ANK1: variants seen among roughly 807,000 people sequenced by gnomAD.
ANK1 encodes ankyrin-1.
In ANK1, 51 loss-of-function variants were observed where a neutral mutation model predicts 210.4. That is an observed-to-expected ratio of 0.24 (90% CI 0.19 to 0.31). The LOEUF is 0.31. Ranked by LOEUF, ANK1 falls within the 10% of genes least tolerant of loss-of-function variation. ANK1 has a pLI of 1.00. For synonymous variants in ANK1, 967 were observed against 1,025.9 expected (o/e 0.94, Z 1.10); for missense variants, 2,051 against 2,504.4 (o/e 0.82, Z 3.86).
chr8:41,682,148 T>C (rs1816245073), intron 37 of ANK1, among the ~76,000 whole-genome samples: 3 of 152,000 alleles, frequency 2.0e-5, no homozygotes, highest in Non-Finnish European at 4.4e-5. Context: ...GTGTCACCCC[T>C]CCAGCCCCCA....
intron 33 of ANK1, among the ~76,000 whole-genome samples, chr8:41,689,610 G>T (rs1406398406): frequency 1.3e-5 from 2 of 152,132 alleles, no homozygotes; most frequent in Non-Finnish European, 2.9e-5. Flanking sequence ...AGACGGTCTG[G>T]AGACGTATGA....
At chr8:41,887,628 G>C (rs960831666) in intron 1 of ANK1, among the ~76,000 whole-genome samples, 2 of 152,120 alleles carry the variant, frequency 1.3e-5, no homozygotes, top group Non-Finnish European at 2.9e-5. Context: ...AAACACACAT[G>C]ACAAAGATGA....
At chr8:41,814,187 C>CTG (rs1802933234) in intron 1 of ANK1, among the ~76,000 whole-genome samples, 1 of 151,942 alleles carries the variant, frequency 6.6e-6, no homozygotes, top group Non-Finnish European at 1.5e-5. Flanking sequence ...TGGTGAAACC[C>CTG]TGTCTCTACT....
chr8:41,735,521 C>T (rs573535809), intron 2 of ANK1, among the ~76,000 whole-genome samples: 1 of 152,200 alleles, frequency 6.6e-6, no homozygotes, highest in Non-Finnish European at 1.5e-5. Context: ...TCCTCACCAC[C>T]TAGACGGAGG....
chr8:41,688,343 G>A, intron 34 of ANK1, 113 bp from the exon 35 acceptor site: 2 of 1,441,536 alleles, frequency 1.4e-6, no homozygotes, highest in Non-Finnish European at 1.9e-6. Context: ...TGATTGTCTA[G>A]ACTCTCTGCA....
chr8:41,884,236 T>C (rs1175282633), intron 1 of ANK1, among the ~76,000 whole-genome samples: 1 of 152,078 alleles, frequency 6.6e-6, no homozygotes, highest in Non-Finnish European at 1.5e-5. Context: ...TAATCCCAGC[T>C]ACTTGGGAGG....
chr8:41,861,715 G>A (rs1052905968), intron 1 of ANK1, among the ~76,000 whole-genome samples: 1 of 152,238 alleles, frequency 6.6e-6, no homozygotes, highest in South Asian at 2.1e-4. Context: ...GAGCGCAGGA[G>A]CGAACCCAAG....
At position 41,723,386 on chromosome 8, in the gene ANK1, G is replaced by A. The variant is rs538920819; in HGVS notation, c.810+149C>T. 40 of 1,148,348 alleles carry A rather than the reference G, an allele frequency of 3.5e-5. No individual in the cohort carries two copies. The East Asian group carries it at 4.3e-4, about 12-fold the overall frequency. 71.1% of individuals were successfully genotyped at this position (1,148,348 alleles called of 1,614,324 possible). A position where few individuals can be genotyped will look rare whatever the true frequency, so the allele number is the denominator to read the frequency against. On this transcript the variant is annotated intron_variant, in intron 8 of 42. Transcript: ENST00000289734. The stretch of plus-strand genomic sequence containing the variant: ...GTTTTACTATTGCCTCCCACTGCAC[G>A]CGGCACTGCCCAGAATACTGCTGCA...
In ANK1 at chr8:41,696,683, G is replaced by A. The variant is rs765681934; in HGVS notation, c.2728C>T (p.His910Tyr). The part of the protein sequence containing the change: ...DNISPVASPV[H>Y]TGFLVSFMVD... ...CCTGCGCCCGCCACTCACCCTGTAT[G>A]CACCGGGCTGGCCACCGGGCTGATG... Residue 910 changes from histidine (H) to tyrosine (Y), a missense_variant, in exon 25 of 43, where the codon CAT becomes TAT. Transcript: ENST00000289734. 1.9e-6 allele frequency: 3 copies of A among 1,604,010 alleles called. No homozygotes were observed. Among genetic ancestry groups the A allele is most frequent in the Non-Finnish European group, 2.5e-6 (3 of 1,179,904 alleles).
At chr8:41,821,540 G>A (rs111827109) in intron 1 of ANK1, among the ~76,000 whole-genome samples, 1,870 of 152,244 alleles carry the variant, frequency 0.012, 22 homozygotes, top group Non-Finnish European at 0.018. Flanking sequence ...ACATGCATGC[G>A]TCAAAGGCCA....
intron 27 of ANK1, 103 bp downstream of exon 27, chr8:41,695,074 G>T: frequency 2.7e-6 from 4 of 1,498,186 alleles, no homozygotes; most frequent in Non-Finnish European, 3.7e-6. Flanking sequence ...AGCCTCTTGG[G>T]GCTTCCCAAA....
At chr8:41,785,000 G>A (rs557386468) in intron 1 of ANK1, among the ~76,000 whole-genome samples, 58 of 152,278 alleles carry the variant, frequency 3.8e-4, no homozygotes, top group African/African-American at 1.4e-3. Flanking sequence ...GAGCGACGCT[G>A]GGCTTTGCCA....
chr8:41,664,058 A>C, intron 39 of ANK1: 2 of 523,620 alleles, frequency 3.8e-6, no homozygotes, highest in Middle Eastern at 2.9e-4. Flanking sequence ...TGAGAGAGGA[A>C]GTGAGGCACC....
At chr8:41,790,105 C>CTGT (rs1280005211) in intron 1 of ANK1, among the ~76,000 whole-genome samples, 3 of 151,996 alleles carry the variant, frequency 2.0e-5, no homozygotes, top group Admixed American at 6.6e-5. Flanking sequence ...CTGTGACAGG[C>CTGT]CAGACTGTCC....
At chr8:41,750,207 A>C (rs1837344398) in intron 2 of ANK1, among the ~76,000 whole-genome samples, 2 of 152,218 alleles carry the variant, frequency 1.3e-5, no homozygotes, top group African/African-American at 4.8e-5. Context: ...GCAACCCTTT[A>C]CCTTCAAGAT....
chr8:41,812,255 A>G (rs1802606255), intron 1 of ANK1, among the ~76,000 whole-genome samples: 1 of 152,218 alleles, frequency 6.6e-6, no homozygotes, highest in East Asian at 1.9e-4. Context: ...CTGTGCTACA[A>G]ATTAAGTTGA....
Position 41,876,329 on chromosome 8 carries a change from T to A in ANK1, c.126+20026A>T, listed in dbSNP as rs575372510. Among the ~76,000 whole-genome samples, 581 of 152,240 alleles carry A rather than the reference T, an allele frequency of 3.8e-3. 4 individuals are homozygous for A. The highest frequency in any genetic ancestry group is 0.013 in the African/African-American group (557 of 41,550). On this transcript the variant is annotated intron_variant, in intron 1 of 42. Coordinates refer to the ANK1 transcript ENST00000265709. ...GCAGCCCCTCGGCCAGCGGGCCTTG[T>A]CCCCACCCAGGTTCTCTGGCCGCGA...
intron 37 of ANK1, among the ~76,000 whole-genome samples, chr8:41,678,144 T>C (rs1814806682): frequency 6.6e-6 from 1 of 152,076 alleles, no homozygotes; most frequent in Non-Finnish European, 1.5e-5. Context: ...TCTTTTTTTT[T>C]CTTTTTCTTT....
chr8:41,840,432 T>C (rs1413051266), intron 1 of ANK1: 1 of 152,248 alleles, frequency 6.6e-6, no homozygotes, highest in Non-Finnish European at 1.5e-5. Flanking sequence ...CACATTTCTG[T>C]TAGTCTTAGC....
Sources: gnomAD v4.1 joint callset for allele counts (sites outside exome capture counted in the v4.1 genomes callset) on GRCh38, gnomAD v4.1.1 for gene constraint, MANE v1.5 for transcripts, NCBI Gene and HGNC (gene_info 2026-07-23, HGNC 2026-07-21) for gene names.